SLC24A3: variants seen among roughly 807,000 people sequenced by gnomAD.
The protein encoded by SLC24A3 is solute carrier family 24 member 3, also known as sodium/potassium/calcium exchanger 3.
A neutral mutation model predicts 75.8 loss-of-function variants in SLC24A3; 28 were observed. The observed-to-expected ratio is 0.37, with a 90% CI of 0.27 to 0.51. The LOEUF is 0.51. Among genes scored for constraint, SLC24A3 ranks in the 20% least tolerant of loss-of-function variants. SLC24A3 has a pLI of 0.94. For synonymous variants in SLC24A3, 372 were observed against 334.1 expected (o/e 1.11, Z -1.24); for missense variants, 663 against 847.8 (o/e 0.78, Z 2.71).
chr20:19,518,890 A>G (rs895363302), intron 3 of SLC24A3, among the ~76,000 whole-genome samples: 1 of 152,174 alleles, frequency 6.6e-6, no homozygotes, highest in Non-Finnish European at 1.5e-5. Flanking sequence ...GGCCCTAGGG[A>G]ATATCCAGAA....
intron 3 of SLC24A3, among the ~76,000 whole-genome samples, chr20:19,531,844 A>G (rs534432240): frequency 6.6e-6 from 1 of 152,290 alleles, no homozygotes; most frequent in East Asian, 1.9e-4. Flanking sequence ...GAGTGTCCCA[A>G]CACGTGGCTG....
At chr20:19,594,865 T>C (rs1373484874) in intron 6 of SLC24A3, among the ~76,000 whole-genome samples, 3 of 152,064 alleles carry the variant, frequency 2.0e-5, no homozygotes, top group African/African-American at 7.2e-5. Flanking sequence ...GAGAAGTTAC[T>C]GTGTTATAAA....
chr20:19,717,700 A>G, intron 16 of SLC24A3, 107 bp downstream of exon 16: 1 of 1,197,648 alleles, frequency 8.3e-7, no homozygotes, highest in Non-Finnish European at 1.2e-6. Flanking sequence ...GGTACAAGCA[A>G]CCTCCTTGTC....
intron 2 of SLC24A3, among the ~76,000 whole-genome samples, chr20:19,404,436 T>C (rs1986606143): frequency 6.6e-6 from 1 of 152,140 alleles, no homozygotes; most frequent in Non-Finnish European, 1.5e-5. Flanking sequence ...AAATGGGCAG[T>C]GAGATCCGCA....
At chr20:19,686,501 G>A (rs1401697347) in intron 12 of SLC24A3, among the ~76,000 whole-genome samples, 4 of 152,208 alleles carry the variant, frequency 2.6e-5, no homozygotes, top group Non-Finnish European at 5.9e-5. Context: ...TGATTCACAT[G>A]GACTGTCAAG....
chr20:19,698,895 G>A (rs1461929026), intron 15 of SLC24A3, among the ~76,000 whole-genome samples: 1 of 152,146 alleles, frequency 6.6e-6, no homozygotes, highest in Non-Finnish European at 1.5e-5. Flanking sequence ...TTTCTGTCGA[G>A]GGGCAAATAC....
intron 4 of SLC24A3, among the ~76,000 whole-genome samples, chr20:19,581,505 A>G (rs1457169367): frequency 6.6e-6 from 1 of 152,220 alleles, no homozygotes; most frequent in Non-Finnish European, 1.5e-5. Context: ...TGGCAGGAAA[A>G]GAGGGCAGGT....
At chr20:19,350,936 A>G (rs1187619450) in intron 2 of SLC24A3, among the ~76,000 whole-genome samples, 1 of 152,166 alleles carries the variant, frequency 6.6e-6, no homozygotes, top group African/African-American at 2.4e-5. Context: ...TTAATTCTCA[A>G]TATGGACAGA....
Position 19,721,223 on chromosome 20 carries a change from C to A in SLC24A3, c.*83C>A. 1 of 1,548,770 alleles carries A rather than the reference C, an allele frequency of 6.5e-7. No homozygotes were observed. The highest frequency in any genetic ancestry group is 1.2e-5 in the South Asian group (1 of 82,920). The stretch of plus-strand genomic sequence containing the variant: ...CCGCACCCCGAGTCACACAGGCCCC[C>A]GGGGCCACGGCGTTCGTCTCTCCTG... On this transcript the variant is annotated 3_prime_UTR_variant, in exon 17 of 17. Coordinates refer to ENST00000328041, the MANE Select transcript of SLC24A3 (RefSeq NM_020689.4).
At chr20:19,226,470 GA>G (rs1159025603) in intron 1 of SLC24A3, among the ~76,000 whole-genome samples, 2 of 152,170 alleles carry the variant, frequency 1.3e-5, no homozygotes, top group African/African-American at 4.8e-5. Context: ...GTTTCTGGAA[GA>G]AACTATGTAC....
At chr20:19,258,291 G>C (rs1021953054) in intron 1 of SLC24A3, among the ~76,000 whole-genome samples, 1 of 152,218 alleles carries the variant, frequency 6.6e-6, no homozygotes, top group Non-Finnish European at 1.5e-5. Context: ...AAGGCAAGGG[G>C]AAGAGAGCTT....
At chr20:19,617,100 T>A (rs188103047) in intron 6 of SLC24A3, among the ~76,000 whole-genome samples, 109 of 152,306 alleles carry the variant, frequency 7.2e-4, no homozygotes, top group African/African-American at 2.5e-3. Flanking sequence ...TCAAATGGAA[T>A]GACCCCAGCC....
intron 2 of SLC24A3, among the ~76,000 whole-genome samples, chr20:19,506,297 T>C (rs1988461419): frequency 6.6e-6 from 1 of 152,238 alleles, no homozygotes; most frequent in Non-Finnish European, 1.5e-5. Context: ...ATGATCCCTC[T>C]AGGCCATCTG....
rs995022204 is a variant in SLC24A3 at position 19,436,727 on chromosome 20, C to T, written c.272-78761C>T. On this transcript the variant is annotated intron_variant, in intron 2 of 16. Coordinates refer to ENST00000328041, the MANE Select transcript of SLC24A3 (RefSeq NM_020689.4). ...ATCTCAGCTTCTAGGGATAATGGGA[C>T]TCTCTCCCCATCTCTACTTGGGAAA... is the stretch of plus-strand genomic sequence containing the variant. Among the ~76,000 whole-genome samples the T allele has an allele frequency of 2.0e-5, 3 of 152,204 alleles. No homozygotes were observed. In the East Asian group the frequency reaches 5.8e-4, roughly 29 times the overall value.
In SLC24A3 at chr20:19,580,027, A is replaced by G. The variant is rs1294840215; in HGVS notation, c.376A>G (p.Ile126Val). The change falls in exon 4 of 17, where the codon ATT (isoleucine) becomes GTT (valine). Residue 126 changes from isoleucine to valine, a missense_variant. Ile to Val is a conservative substitution (Grantham distance 29). Around this residue, in one of 2 missense-constraint regions of SLC24A3, gnomAD observed 510 missense variants for 703.6 expected, o/e 0.72. Transcript: ENST00000328041. ...CAIYMFYALA[I>V]VCDDFFVPSL... ...CATATACATGTTCTATGCGCTGGCC[A>G]TTGTGTGTGATGACTTCTTCGTCCC... The G allele has an allele frequency of 6.2e-6, 10 of 1,613,684 alleles. No individual in the cohort carries two copies. The highest frequency in any genetic ancestry group is 5.9e-6 in the Non-Finnish European group (7 of 1,179,818).
At chr20:19,316,267 G>T (rs1161541052) in intron 2 of SLC24A3, among the ~76,000 whole-genome samples, 1 of 152,184 alleles carries the variant, frequency 6.6e-6, no homozygotes, top group Non-Finnish European at 1.5e-5. Context: ...GTTAAGTGGG[G>T]GTTTGAGCAA....
At chr20:19,573,304 TA>T (rs1304071657) in intron 3 of SLC24A3, among the ~76,000 whole-genome samples, 1 of 152,224 alleles carries the variant, frequency 6.6e-6, no homozygotes, top group Admixed American at 6.5e-5. Context: ...CCTGTTATCT[TA>T]GGTGTTTTTC....
At chr20:19,434,158 G>A (rs1348129100) in intron 2 of SLC24A3, among the ~76,000 whole-genome samples, 2 of 152,228 alleles carry the variant, frequency 1.3e-5, no homozygotes, top group Non-Finnish European at 2.9e-5. Context: ...AACAAGATAA[G>A]TAAAGATTTA....
chr20:19,670,635 G>A (rs902498136), intron 8 of SLC24A3, among the ~76,000 whole-genome samples: 2 of 152,178 alleles, frequency 1.3e-5, no homozygotes, highest in Non-Finnish European at 2.9e-5. Context: ...ATGCATCTAA[G>A]CAATAACGTG....
Sources: allele counts gnomAD v4.1 joint callset (sites outside exome capture counted in the v4.1 genomes callset), GRCh38; gene constraint gnomAD v4.1.1; regional missense constraint gnomAD v4.1.1; transcripts MANE v1.5; gene names NCBI Gene and HGNC (gene_info 2026-07-23, HGNC 2026-07-21).